The following DHTKD1 variants were observed in gnomAD, a reference collection of about 807,000 sequenced individuals.
DHTKD1 encodes the protein 2-oxoadipate dehydrogenase complex component E1.
A neutral mutation model predicts 101.8 loss-of-function variants in DHTKD1; 78 were observed. The ratio of observed to expected loss-of-function variants is 0.77; its 90% CI spans 0.64 to 0.93. DHTKD1 has a LOEUF of 0.93. Ranked by LOEUF, DHTKD1 falls within the 40% of genes least tolerant of loss-of-function variation. DHTKD1 has a pLI of 0.00. For synonymous variants in DHTKD1, 462 were observed against 450.3 expected (o/e 1.03, Z -0.33); for missense variants, 1,223 against 1,161.7 (o/e 1.05, Z -0.77).
chr10:12,117,821 C>T, intron 14 of DHTKD1, 66 bp downstream of exon 14: 3 of 732,186 alleles, frequency 4.1e-6, no homozygotes, highest in South Asian at 1.7e-5. Context: ...AAGTAGTTCA[C>T]ATTAAGAGAT....
chr10:12,120,182 A>G lies in DHTKD1; in HGVS notation c.2573A>G (p.Asp858Gly). The change falls in exon 16 of 17, where the codon GAT becomes GGT. Residue 858 changes from aspartate to glycine, a missense_variant and splice_region_variant. Asp to Gly is a moderately conservative substitution (Grantham distance 94). Transcript: ENST00000263035. Reference sequence around the variant, plus strand: ...GCTGAAAGAATTTCTTCTCTCATAGATCATATTTGGAGTCAGGAGGAACCT... The same window carrying G: ...GCTGAAAGAATTTCTTCTCTCATAGGTCATATTTGGAGTCAGGAGGAACCT... Reference protein sequence around the residue: ...QEMSKYKHVKDHIWSQEEPQN... With the variant: ...QEMSKYKHVKGHIWSQEEPQN... 1 of 1,612,992 alleles carries G rather than the reference A, an allele frequency of 6.2e-7. No homozygotes were observed. The highest frequency in any genetic ancestry group is 8.5e-7 in the Non-Finnish European group (1 of 1,179,212).
Position 12,121,956 on chromosome 10 carries a change from AT to A in DHTKD1, c.*1072del, listed in dbSNP as rs1456974785. 6.6e-6 allele frequency: 1 copy of A among 151,942 alleles called. No homozygotes were observed. The highest frequency in any genetic ancestry group is 2.4e-5 in the African/African-American group (1 of 41,334). 9.4% of individuals were successfully genotyped at this position (151,942 alleles called of 1,614,324 possible). On this transcript the variant is annotated 3_prime_UTR_variant, in exon 17 of 17. Transcript: ENST00000263035. Reference sequence around the variant, plus strand: ...TGTTTGATGCATGTCACTTTCATTAATTTTCCCCCTCCTTTTTGAAAGTCCT... The same window carrying A: ...TGTTTGATGCATGTCACTTTCATTAATTTCCCCCTCCTTTTTGAAAGTCCT...
At chr10:12,104,635 G>A (rs750969878) in intron 10 of DHTKD1, among the ~76,000 whole-genome samples, 45 of 151,084 alleles carry the variant, frequency 3.0e-4, no homozygotes, top group Non-Finnish European at 5.3e-4. Flanking sequence ...ACTCTGTCAC[G>A]CAGGCTGGAG....
intron 10 of DHTKD1, among the ~76,000 whole-genome samples, chr10:12,102,423 A>G (rs1371201798): frequency 1.1e-5 from 1 of 90,406 alleles, no homozygotes. Context: ...ACTCTGTCTC[A>G]AAAAAAAAAA....
chr10:12,088,860 C>A, intron 4 of DHTKD1, 126 bp from the exon 5 acceptor site: 2 of 851,642 alleles, frequency 2.3e-6, no homozygotes, highest in Non-Finnish European at 3.7e-6. Flanking sequence ...GCTGGAATTA[C>A]AGGCATAAGC....
intron 10 of DHTKD1, 26 bp from the exon 11 acceptor site, chr10:12,106,220 C>T (rs774247079): frequency 3.3e-5 from 54 of 1,613,578 alleles, no homozygotes; most frequent in Admixed American, 2.0e-4. Flanking sequence ...TCACATGCAG[C>T]GTTTCCTTCT....
chr10:12,101,015 T>A, intron 9 of DHTKD1, 27 bp from the exon 10 acceptor site: 2 of 1,612,334 alleles, frequency 1.2e-6, no homozygotes, highest in Non-Finnish European at 1.7e-6. Flanking sequence ...TATGGGAATC[T>A]GACTTTTTTT....
intron 13 of DHTKD1, among the ~76,000 whole-genome samples, chr10:12,114,210 C>G (rs779263084): frequency 4.6e-5 from 7 of 151,768 alleles, no homozygotes; most frequent in Non-Finnish European, 1.0e-4. Context: ...TAGAAATGTT[C>G]AAAATAATAA....
intron 5 of DHTKD1, among the ~76,000 whole-genome samples, chr10:12,090,050 C>T (rs1426622085): frequency 1.3e-5 from 2 of 151,862 alleles, no homozygotes; most frequent in East Asian, 1.9e-4. Flanking sequence ...CAGTGTGGTT[C>T]GTTCTTTTTC....
intron 1 of DHTKD1, among the ~76,000 whole-genome samples, chr10:12,079,920 T>G (rs377461626): frequency 2.0e-4 from 31 of 152,172 alleles, no homozygotes; most frequent in South Asian, 4.1e-4. Flanking sequence ...GGTGTATGAG[T>G]GCAAACACAT....
In DHTKD1 at chr10:12,120,323, TTTTCTTTC is replaced by T. The variant is rs912397287; in HGVS notation, c.2658+68_2658+75del. On this transcript the variant is annotated intron_variant, in intron 16 of 16. Coordinates refer to ENST00000263035, the MANE Select transcript of DHTKD1 (RefSeq NM_018706.7). ...GTGTTTTGTGTGCATGTTGTTTTTC[TTTTCTTTC>T]TTTCTTTCTTTTTTTTTTTTGAGAC... The T allele has an allele frequency of 4.9e-6, 7 of 1,442,940 alleles. No homozygotes were observed. The South Asian group carries it at 7.3e-5, about 15-fold the overall frequency. The allele number at this position is 1,442,940 out of a possible 1,614,324, so 89.4% of individuals were successfully genotyped here. A position where few individuals can be genotyped will look rare whatever the true frequency, so the allele number is the denominator to read the frequency against.
chr10:12,104,202 C>T (rs771421908), intron 10 of DHTKD1, among the ~76,000 whole-genome samples: 6 of 151,900 alleles, frequency 3.9e-5, no homozygotes, highest in Non-Finnish European at 5.9e-5. Flanking sequence ...TTTTTGAGAC[C>T]AAGTCTTGCT....
chr10:12,095,726 T>C (rs1299190804), intron 7 of DHTKD1, among the ~76,000 whole-genome samples: 1 of 137,722 alleles, frequency 7.3e-6, no homozygotes, highest in African/African-American at 2.7e-5. Context: ...GGCAGGAGAA[T>C]GGCGTGAACC....
rs56975355 is a variant in DHTKD1, at chr10:12,118,597, T to C, written c.2403-152T>C. ...CAGGGTTTCACCGTGTTAGCCAGGA[T>C]GGTCTTGATTTCCTGACCTCGTGAT... On this transcript the variant is annotated intron_variant, in intron 14 of 16. Coordinates refer to ENST00000263035, the MANE Select transcript of DHTKD1 (RefSeq NM_018706.7). The C allele has an allele frequency of 0.051, 21,741 of 427,540 alleles. 835 individuals are homozygous for C. The highest frequency in any genetic ancestry group is 0.14 in the East Asian group (3,889 of 27,324). The allele number at this position is 427,540 out of a possible 1,614,324, so 26.5% of individuals were successfully genotyped here. A position where few individuals can be genotyped will look rare whatever the true frequency, so the allele number is the denominator to read the frequency against.
intron 1 of DHTKD1, among the ~76,000 whole-genome samples, chr10:12,073,546 A>C (rs1051454675): frequency 1.3e-5 from 2 of 152,132 alleles, no homozygotes; most frequent in African/African-American, 4.8e-5. Flanking sequence ...AGGGTTTCAC[A>C]TGTTGGCCAG....
At position 12,107,440 on chromosome 10, in the gene DHTKD1, C is replaced by T. The variant is rs1369839780; in HGVS notation, c.2048-469C>T. Among the ~76,000 whole-genome samples, 3 of 152,010 alleles carry T rather than the reference C, an allele frequency of 2.0e-5. No individual in the cohort carries two copies. The highest frequency in any genetic ancestry group is 1.9e-4 in the East Asian group (1 of 5,180). ...TAGGTTATGGCTTTCTTTTTTGAGA[C>T]GGTGTCTCACTCTGTCCCTCAGGCT... is the stretch of plus-strand genomic sequence containing the variant. On this transcript the variant is annotated intron_variant, in intron 11 of 16. Transcript: ENST00000263035. The surrounding 1 kb of genome is among the most constrained non-coding windows in gnomAD (Gnocchi z 4.1).
chr10:12,114,595 C>T (rs191870434), intron 13 of DHTKD1, among the ~76,000 whole-genome samples: 50 of 152,102 alleles, frequency 3.3e-4, no homozygotes, highest in African/African-American at 1.2e-3. Context: ...CGTGCCCGGC[C>T]GGGAGTATTA....
At chr10:12,092,441 G>C (rs1405117754) in intron 6 of DHTKD1, among the ~76,000 whole-genome samples, 5 of 152,136 alleles carry the variant, frequency 3.3e-5, no homozygotes, top group Non-Finnish European at 7.4e-5. Flanking sequence ...TTCAAACTTG[G>C]AGTGCCCAGG....
Position 12,120,971 on chromosome 10 carries a change from G to A in DHTKD1, c.*83G>A, listed in dbSNP as rs1272849539. The A allele has an allele frequency of 1.5e-6, 2 of 1,299,770 alleles. No individual in the cohort carries two copies. Among genetic ancestry groups the A allele is most frequent in the Non-Finnish European group, 2.2e-6 (2 of 928,226 alleles). The allele number at this position is 1,299,770 out of a possible 1,614,324, so 80.5% of individuals were successfully genotyped here. A position where few individuals can be genotyped will look rare whatever the true frequency, so the allele number is the denominator to read the frequency against. On this transcript the variant is annotated 3_prime_UTR_variant, in exon 17 of 17. Coordinates refer to ENST00000263035, the MANE Select transcript of DHTKD1 (RefSeq NM_018706.7). Reference sequence around the variant, plus strand: ...GGGGTGGCACATGCCTGTAATCCCAGCACTTTGGGAGGCCAAGGCTGGTGG... The same window carrying A: ...GGGGTGGCACATGCCTGTAATCCCAACACTTTGGGAGGCCAAGGCTGGTGG...
Sources: allele counts gnomAD v4.1 joint callset (sites outside exome capture counted in the v4.1 genomes callset), GRCh38; gene constraint gnomAD v4.1.1; non-coding constraint Gnocchi (gnomAD v3.1); transcripts MANE v1.5; gene names NCBI Gene and HGNC (gene_info 2026-07-23, HGNC 2026-07-21).